CPNE5: variants seen among roughly 807,000 people sequenced by gnomAD.
CPNE5 encodes copine 5, also known as copine-5.
A neutral mutation model predicts 81.1 loss-of-function variants in CPNE5; 42 were observed. That is an observed-to-expected ratio of 0.52 (90% CI 0.40 to 0.67). CPNE5 has a LOEUF of 0.67. Ranked by LOEUF, CPNE5 falls within the 30% of genes least tolerant of loss-of-function variation. The pLI, the probability that CPNE5 is intolerant of heterozygous loss-of-function variation, is 0.00. For missense variants in CPNE5, 612 were observed against 815.5 expected, an observed-to-expected ratio of 0.75 and a Z score of 3.04; for synonymous variants, 313 against 321.5, an observed-to-expected ratio of 0.97 and a Z score of 0.28.
intron 3 of CPNE5, among the ~76,000 whole-genome samples, chr6:36,812,839 G>A (rs1771217507): frequency 6.6e-6 from 1 of 152,236 alleles, no homozygotes; most frequent in African/African-American, 2.4e-5. Context: ...TCTGCAAAAA[G>A]GAGAGAGTCC....
intron 1 of CPNE5, among the ~76,000 whole-genome samples, chr6:36,831,985 G>C (rs1243371843): frequency 1.3e-5 from 2 of 152,212 alleles, no homozygotes; most frequent in Non-Finnish European, 2.9e-5. Flanking sequence ...AAGGTATAAA[G>C]CTGTCCTGTT....
chr6:36,806,599 A>G (rs1293152922), intron 3 of CPNE5, among the ~76,000 whole-genome samples: 1 of 152,196 alleles, frequency 6.6e-6, no homozygotes, highest in Non-Finnish European at 1.5e-5. Flanking sequence ...AAATCTCTTC[A>G]TTAAAATCTC....
chr6:36,838,891 C>G (rs955869519), intron 1 of CPNE5: 1 of 223,440 alleles, frequency 4.5e-6, no homozygotes, highest in Non-Finnish European at 7.5e-6. Context: ...GGTGGACGAG[C>G]CTGGGAGGGA....
At chr6:36,823,938 T>A (rs1484265765) in intron 1 of CPNE5, among the ~76,000 whole-genome samples, 2 of 152,126 alleles carry the variant, frequency 1.3e-5, no homozygotes, top group African/African-American at 4.8e-5. Context: ...ATCCTGCACA[T>A]CTGGTATCCC....
intron 1 of CPNE5, among the ~76,000 whole-genome samples, chr6:36,829,842 A>T (rs1583043998): frequency 2.3e-5 from 3 of 127,794 alleles, no homozygotes; most frequent in East Asian, 2.5e-4. Flanking sequence ...AGTTGAGTGT[A>T]GGAATTGCAA....
chr6:36,790,733 C>T (rs1482967025), intron 8 of CPNE5, among the ~76,000 whole-genome samples: 2 of 152,044 alleles, frequency 1.3e-5, no homozygotes, highest in African/African-American at 2.4e-5. Context: ...TTAGTAGAGA[C>T]GGGGTTTCAC....
At chr6:36,798,322 G>A in intron 5 of CPNE5, 81 bp from the exon 6 acceptor site, 2 of 1,505,294 alleles carry the variant, frequency 1.3e-6, no homozygotes, top group South Asian at 1.1e-5. Context: ...CCCAATTCCT[G>A]GAAGCGTGAG....
intron 1 of CPNE5, chr6:36,827,805 AG>A: frequency 1.0e-6 from 1 of 953,676 alleles, no homozygotes; most frequent in Non-Finnish European, 1.2e-6. Context: ...CCAGACCACA[AG>A]TACTTTTTCT....
rs1481431770 is a variant in CPNE5 at position 36,744,329 on chromosome 6, G to A, written c.1432-4C>T. On this transcript the variant is annotated splice_region_variant and splice_polypyrimidine_tract_variant and intron_variant, in intron 18 of 20. Coordinates refer to ENST00000244751, the MANE Select transcript of CPNE5 (RefSeq NM_020939.2). ...TGGACATGGGGAGCTTGGCAGCCTG[G>A]GAGACAGCATGGGGGGCAGGGAAAG... 1 of 1,580,160 alleles carries A rather than the reference G, an allele frequency of 6.3e-7. No individual in the cohort carries two copies.
chr6:36,806,940 A>G (rs1770651316), intron 3 of CPNE5, among the ~76,000 whole-genome samples: 1 of 152,268 alleles, frequency 6.6e-6, no homozygotes, highest in Non-Finnish European at 1.5e-5. Flanking sequence ...CACATTGTAG[A>G]AAGTGGCCAT....
Position 36,798,436 on chromosome 6 carries a change from A to C in CPNE5, c.327+19T>G, listed in dbSNP as rs758774965. 2 of 1,612,908 alleles carry C rather than the reference A, an allele frequency of 1.2e-6. No homozygotes were observed. The highest frequency in any genetic ancestry group is 2.2e-5 in the South Asian group (2 of 91,060). On this transcript the variant is annotated intron_variant, in intron 5 of 20. Transcript: ENST00000244751. ...TTCAGAAACTATGGAATTGCTGAGC[A>C]GTTACTGGCAGAACTCACGTGTTTG...
chr6:36,816,836 T>C (rs1162621345), intron 3 of CPNE5, among the ~76,000 whole-genome samples: 1 of 152,216 alleles, frequency 6.6e-6, no homozygotes, highest in African/African-American at 2.4e-5. Flanking sequence ...TGGAGAGCAG[T>C]GGCACAATCT....
intron 1 of CPNE5, among the ~76,000 whole-genome samples, chr6:36,829,923 G>A (rs544114195): frequency 8.7e-5 from 13 of 150,058 alleles, no homozygotes; most frequent in Admixed American, 4.0e-4. Context: ...ACTGACCAGC[G>A]TCACCCCATT....
chr6:36,756,345 A>G (rs1297541557), intron 12 of CPNE5, 47 bp from the exon 13 acceptor site: 1 of 1,567,474 alleles, frequency 6.4e-7, no homozygotes, highest in Non-Finnish European at 8.8e-7. Context: ...CCAGGCAGTC[A>G]GGGTGAGTCT....
At chr6:36,802,395 G>A (rs746456081) in intron 3 of CPNE5, among the ~76,000 whole-genome samples, 18 of 152,036 alleles carry the variant, frequency 1.2e-4, no homozygotes, top group Non-Finnish European at 2.4e-4. Context: ...GGGTGATACT[G>A]CAGTGAGCTA....
At chr6:36,791,286 G>T (rs746470968) in intron 8 of CPNE5, among the ~76,000 whole-genome samples, 15 of 152,176 alleles carry the variant, frequency 9.9e-5, no homozygotes, top group Non-Finnish European at 1.9e-4. Context: ...AGGTGACTTT[G>T]CCTCTCTGAG....
chr6:36,767,414 G>C (rs1474005870), intron 10 of CPNE5, among the ~76,000 whole-genome samples: 1 of 152,210 alleles, frequency 6.6e-6, no homozygotes, highest in African/African-American at 2.4e-5. Flanking sequence ...AGAGCCTCCA[G>C]TGACTTGCCT....
intron 3 of CPNE5, among the ~76,000 whole-genome samples, chr6:36,807,425 A>AGAC (rs1770694040): frequency 1.1e-4 from 16 of 152,214 alleles, no homozygotes; most frequent in Admixed American, 1.0e-3. Flanking sequence ...TTTACATAAT[A>AGAC]TACTTAGAAG....
chr6:36,787,492 A>C (rs745893318), intron 8 of CPNE5, among the ~76,000 whole-genome samples: 1 of 151,654 alleles, frequency 6.6e-6, no homozygotes, highest in African/African-American at 2.4e-5. Flanking sequence ...GGCATATTAC[A>C]TAGTATCTAC....
Sources: gnomAD v4.1 joint callset for allele counts (sites outside exome capture counted in the v4.1 genomes callset) on GRCh38, gnomAD v4.1.1 for gene constraint, MANE v1.5 for transcripts, NCBI Gene and HGNC (gene_info 2026-07-23, HGNC 2026-07-21) for gene names.